Variants in FIRRM observed in about 807,000 individuals in gnomAD.
FIRRM encodes FIGNL1-interacting regulator of recombination and mitosis.
chr1:169,836,685 C>A, the FIRRM span, among the ~76,000 whole-genome samples: 1 of 152,040 alleles, frequency 6.6e-6, no homozygotes, highest in Non-Finnish European at 1.5e-5. Flanking sequence ...TATTTAATGT[C>A]TTGGTGCATT....
the FIRRM span, among the ~76,000 whole-genome samples, chr1:169,833,940 C>T: frequency 6.7e-6 from 1 of 149,188 alleles, no homozygotes; most frequent in Non-Finnish European, 1.5e-5. Flanking sequence ...ATCCTCCTGC[C>T]TCGGCGTCCC....
the FIRRM span, chr1:169,850,173 T>G: frequency 1.3e-6 from 1 of 748,724 alleles, no homozygotes; most frequent in Admixed American, 2.5e-5. Flanking sequence ...TTAAAATGAA[T>G]TTTTGGTTAA....
chr1:169,800,859 T>C, the FIRRM span: 1 of 1,234,096 alleles, frequency 8.1e-7, no homozygotes, highest in Non-Finnish European at 1.2e-6. Flanking sequence ...AATATTTTTA[T>C]AAAATTTGTT....
the FIRRM span, chr1:169,804,021 T>G: frequency 8.2e-7 from 1 of 1,213,150 alleles, no homozygotes; most frequent in Non-Finnish European, 1.1e-6. Flanking sequence ...AAAGTAAATT[T>G]GGCTCTTGAG....
chr1:169,845,996 G>A, the FIRRM span, among the ~76,000 whole-genome samples: 4 of 152,156 alleles, frequency 2.6e-5, no homozygotes, highest in Non-Finnish European at 5.9e-5. Flanking sequence ...CTTATAAAAC[G>A]TATTTCTTAA....
At chr1:169,796,115 T>A in the FIRRM span, 2 of 352,154 alleles carry the variant, frequency 5.7e-6, no homozygotes, top group African/African-American at 2.2e-5. Flanking sequence ...GCTAAAGCCC[T>A]ATGTAATCAC....
the FIRRM span, among the ~76,000 whole-genome samples, chr1:169,828,843 G>T: frequency 6.6e-6 from 1 of 152,172 alleles, no homozygotes; most frequent in Non-Finnish European, 1.5e-5. Context: ...ACTACACCCT[G>T]CCCATAACTT....
chr1:169,823,798 T>G, the FIRRM span, among the ~76,000 whole-genome samples: 3 of 152,336 alleles, frequency 2.0e-5, no homozygotes, highest in East Asian at 5.8e-4. Context: ...TTTATTTTTA[T>G]TTTGTTTCTA....
the FIRRM span, chr1:169,803,208 C>G: frequency 6.2e-7 from 1 of 1,613,946 alleles, no homozygotes; most frequent in East Asian, 2.2e-5. Context: ...AGGATGTGTT[C>G]AGCATATCTG....
the FIRRM span, chr1:169,802,814 T>C: frequency 1.4e-6 from 1 of 716,260 alleles, no homozygotes; most frequent in Non-Finnish European, 2.4e-6. Context: ...TATGTATTCT[T>C]ATGTAATGGC....
chr1:169,832,367 C>T, the FIRRM span: 1 of 1,301,376 alleles, frequency 7.7e-7, no homozygotes, highest in East Asian at 2.3e-5. Context: ...TGTAAAAATT[C>T]TGATTCTAAA....
chr1:169,797,791 C>T, the FIRRM span, among the ~76,000 whole-genome samples: 2 of 152,188 alleles, frequency 1.3e-5, no homozygotes, highest in African/African-American at 4.8e-5. Flanking sequence ...ATCCGCCTGC[C>T]TCAGCCTCCC....
the FIRRM span, among the ~76,000 whole-genome samples, chr1:169,830,933 A>T: frequency 6.6e-6 from 1 of 152,232 alleles, no homozygotes; most frequent in Non-Finnish European, 1.5e-5. Context: ...TTAGTGTGAA[A>T]CTGGGAATGT....
At chr1:169,839,079 G>A in the FIRRM span, among the ~76,000 whole-genome samples, 1 of 152,100 alleles carries the variant, frequency 6.6e-6, no homozygotes, top group Non-Finnish European at 1.5e-5. Flanking sequence ...ATGGTGTCTA[G>A]CCGCTCTCTG....
chr1:169,847,521 T>A, the FIRRM span, among the ~76,000 whole-genome samples: 10,136 of 152,198 alleles, frequency 0.067, 433 homozygotes, highest in Non-Finnish European at 0.099. Flanking sequence ...CATAGGATTG[T>A]CTTATTTAAA....
At chr1:169,809,718 A>C in the FIRRM span, among the ~76,000 whole-genome samples, 1 of 152,196 alleles carries the variant, frequency 6.6e-6, no homozygotes, top group African/African-American at 2.4e-5. Flanking sequence ...AAATGTGACC[A>C]GTTCTGCTTA....
chr1:169,785,358 G>A, the FIRRM span, among the ~76,000 whole-genome samples: 12 of 152,340 alleles, frequency 7.9e-5, no homozygotes, highest in Non-Finnish European at 1.5e-4. Context: ...CAGCTTAAGC[G>A]TTAACCAGCT....
the FIRRM span, chr1:169,827,300 TAA>T: frequency 9.9e-7 from 1 of 1,010,962 alleles, no homozygotes; most frequent in South Asian, 1.8e-5. Flanking sequence ...AAATTTTTAT[TAA>T]GTTTCTTTTA....
chr1:169,830,735 A>C, the FIRRM span: 3 of 1,613,860 alleles, frequency 1.9e-6, no homozygotes, highest in Admixed American at 1.7e-5. Context: ...ATGTCACCAT[A>C]GTGGCTCATC....
Sources: allele counts gnomAD v4.1 joint callset (sites outside exome capture counted in the v4.1 genomes callset), GRCh38; gene constraint gnomAD v4.1.1; transcripts MANE v1.5; gene names NCBI Gene and HGNC (gene_info 2026-07-23, HGNC 2026-07-21).